The following RPF2 variants were observed in gnomAD, a reference collection of about 807,000 sequenced individuals.
RPF2 encodes ribosome production factor 2 homolog.
RPF2 carries 21 observed loss-of-function variants against 38.9 expected under a neutral mutation model. The observed-to-expected ratio is 0.54, with a 90% confidence interval of 0.38 to 0.78. The LOEUF is 0.78. RPF2 is among the 30% of genes least tolerant of loss of function. The pLI is 0.00. For missense variants in RPF2, 314 were observed against 358.1 expected (o/e 0.88, Z 0.99); for synonymous variants, 121 against 126.2 (o/e 0.96, Z 0.28).
chr6:111,014,484 G>A (rs9372292), intron 7 of RPF2, among the ~76,000 whole-genome samples: 27,121 of 152,094 alleles, frequency 0.18, 2,468 homozygotes, highest in South Asian at 0.32. Flanking sequence ...AACAAAAGAT[G>A]CGTTCATCTG....
intron 6 of RPF2, among the ~76,000 whole-genome samples, chr6:111,003,476 A>G (rs1384345544): frequency 6.6e-6 from 1 of 152,050 alleles, no homozygotes; most frequent in Non-Finnish European, 1.5e-5. Flanking sequence ...TATTTTTAGT[A>G]GAGACAATGA....
intron 6 of RPF2, among the ~76,000 whole-genome samples, chr6:111,006,982 G>A (rs988703979): frequency 1.3e-5 from 2 of 152,018 alleles, no homozygotes; most frequent in Non-Finnish European, 2.9e-5. Flanking sequence ...TGGAGGTTGC[G>A]GTGAGCCGAG....
chr6:111,015,245 T>C (rs897949750), intron 7 of RPF2, among the ~76,000 whole-genome samples: 36 of 152,354 alleles, frequency 2.4e-4, no homozygotes, highest in African/African-American at 8.4e-4. Flanking sequence ...ATCACTGATA[T>C]GCAAGGTTCT....
chr6:110,983,181 A>G (rs1771461480), intron 1 of RPF2, among the ~76,000 whole-genome samples: 1 of 152,182 alleles, frequency 6.6e-6, no homozygotes, highest in Admixed American at 6.6e-5. Context: ...TCTGAAAAGC[A>G]AGGTGCTCAT....
At chr6:111,020,264 G>A (rs1226372998) in intron 8 of RPF2, among the ~76,000 whole-genome samples, 1 of 152,070 alleles carries the variant, frequency 6.6e-6, no homozygotes, top group Non-Finnish European at 1.5e-5. Context: ...TGCCCAGGCT[G>A]GAGTACAGTG....
chr6:111,013,874 A>T (rs9400454), intron 7 of RPF2, among the ~76,000 whole-genome samples: 19,671 of 152,024 alleles, frequency 0.13, 1,726 homozygotes, highest in East Asian at 0.49. Context: ...TGGTGGCTCA[A>T]ACCTGTAATC....
chr6:111,018,183 G>A (rs955595915), intron 8 of RPF2, among the ~76,000 whole-genome samples: 2 of 150,382 alleles, frequency 1.3e-5, no homozygotes, highest in South Asian at 2.1e-4. Context: ...GCTTCGGCTC[G>A]GCATCAGGGG....
At chr6:110,985,318 A>G (rs1771506278) in intron 2 of RPF2, among the ~76,000 whole-genome samples, 180 bp downstream of exon 2, 1 of 152,208 alleles carries the variant, frequency 6.6e-6, no homozygotes, top group Non-Finnish European at 1.5e-5. Context: ...TCTTAAAGCA[A>G]CTAGTTCTCT....
At chr6:110,983,856 C>T (rs572324233) in intron 1 of RPF2, among the ~76,000 whole-genome samples, 55 of 152,034 alleles carry the variant, frequency 3.6e-4, no homozygotes, top group African/African-American at 1.3e-3. Context: ...GGTGAAACCT[C>T]GTCTGTACTA....
chr6:110,990,973 G>C (rs1013972979), intron 3 of RPF2, among the ~76,000 whole-genome samples: 1 of 152,048 alleles, frequency 6.6e-6, no homozygotes, highest in Non-Finnish European at 1.5e-5. Flanking sequence ...GGTTCATCTT[G>C]TCTTTTTCCT....
At chr6:111,015,056 G>A in intron 7 of RPF2, among the ~76,000 whole-genome samples, 1 of 152,220 alleles carries the variant, frequency 6.6e-6, no homozygotes, top group Non-Finnish European at 1.5e-5. Flanking sequence ...GGGATGACAG[G>A]CATGAGCCAC....
intron 8 of RPF2, among the ~76,000 whole-genome samples, chr6:111,018,302 T>A (rs929270175): frequency 6.6e-6 from 1 of 152,182 alleles, no homozygotes; most frequent in Non-Finnish European, 1.5e-5. Context: ...TGGTACTGGC[T>A]GACAGAGCCC....
chr6:111,025,511 T>G lies in RPF2; in HGVS notation c.850T>G (p.Leu284Val), dbSNP rs150564716. Reference protein sequence around the residue: ...SKLQTRKMKGLKKRPAERITE... With the variant: ...SKLQTRKMKGVKKRPAERITE... ...ACTACAAACCAGGAAAATGAAGGGG[T>G]TGAAGAAGCGACCTGCAGAAAGGAT... The change falls in exon 10 of 10, where the codon TTG becomes GTG. Residue 284 changes from leucine to valine, a missense_variant. Transcript: ENST00000441448. 1.2e-6 allele frequency: 2 copies of G among 1,613,462 alleles called. No individual in the cohort carries two copies. Among genetic ancestry groups the G allele is most frequent in the Non-Finnish European group, 1.7e-6 (2 of 1,179,886 alleles).
intron 6 of RPF2, among the ~76,000 whole-genome samples, chr6:111,003,664 T>G (rs1221372957): frequency 6.6e-6 from 1 of 151,966 alleles, no homozygotes. Flanking sequence ...TCTACAAAAT[T>G]TTTTTTTAAA....
rs1282302288 is a variant in RPF2 at position 111,026,132 on chromosome 6, T to G, written c.*550T>G. The G allele has an allele frequency of 6.6e-6, 1 of 152,358 alleles. No individual in the cohort carries two copies. The highest frequency in any genetic ancestry group is 1.5e-5 in the Non-Finnish European group (1 of 68,142). The allele number at this position is 152,358 out of a possible 1,614,324, so 9.4% of individuals were successfully genotyped here. Reference sequence around the variant, plus strand: ...CTATCTGATTATTGATAAATTACACTACTGTTGATTGTTTTAAGAGACTCT... The same window carrying G: ...CTATCTGATTATTGATAAATTACACGACTGTTGATTGTTTTAAGAGACTCT... On this transcript the variant is annotated 3_prime_UTR_variant, in exon 10 of 10. Transcript: ENST00000441448.
chr6:111,014,002 A>G (rs1287082043), intron 7 of RPF2, among the ~76,000 whole-genome samples: 3 of 151,680 alleles, frequency 2.0e-5, no homozygotes, highest in African/African-American at 4.8e-5. Flanking sequence ...TATGTAGTAT[A>G]TGTACTTTTT....
intron 4 of RPF2, 84 bp from the exon 5 acceptor site, chr6:110,997,099 C>A: frequency 1.2e-6 from 1 of 856,468 alleles, no homozygotes; most frequent in Non-Finnish European, 1.9e-6. Flanking sequence ...CCGTGCCTGG[C>A]CTGAAGGTAA....
In RPF2 at chr6:110,994,732, T is replaced by TAC. The variant is rs754731328; in HGVS notation, c.235-2450_235-2449insCA. ...CTTTGTGGAGAATGGGATGAGTATA[T>TAC]ATACACACACACACACACACACACA... is the stretch of plus-strand genomic sequence containing the variant. On this transcript the variant is annotated intron_variant, in intron 4 of 9. Coordinates refer to ENST00000441448, the MANE Select transcript of RPF2 (RefSeq NM_032194.3). Among the ~76,000 whole-genome samples, 146 of 101,934 alleles carry TAC rather than the reference T, an allele frequency of 1.4e-3. No homozygotes were observed. In the East Asian group the frequency reaches 0.023, roughly 16 times the overall value. 66.9% of individuals were successfully genotyped at this position (101,934 alleles called of 152,430 possible). A position where few individuals can be genotyped will look rare whatever the true frequency, so the allele number is the denominator to read the frequency against.
intron 4 of RPF2, among the ~76,000 whole-genome samples, chr6:110,995,548 G>A (rs1011566602): frequency 6.6e-6 from 1 of 151,942 alleles, no homozygotes; most frequent in African/African-American, 2.4e-5. Context: ...AAAAATGGAG[G>A]GTTATGACTC....
Sources: allele counts gnomAD v4.1 joint callset (sites outside exome capture counted in the v4.1 genomes callset), GRCh38; gene constraint gnomAD v4.1.1; transcripts MANE v1.5; gene names NCBI Gene and HGNC (gene_info 2026-07-23, HGNC 2026-07-21).